HADH: variants seen among roughly 807,000 people sequenced by gnomAD.
HADH encodes the protein hydroxyacyl-CoA dehydrogenase.
Under a neutral mutation model 32.2 loss-of-function variants are expected in HADH, and 24 were observed. The ratio of observed to expected loss-of-function variants is 0.75; its 90% CI spans 0.54 to 1.05. The LOEUF is 1.05. Among genes scored for constraint, HADH ranks in the 50% least tolerant of loss-of-function variants. HADH has a pLI of 0.00. For synonymous variants in HADH, 139 were observed against 152.5 expected, an observed-to-expected ratio of 0.91 and a Z score of 0.65; for missense variants, 350 against 397.1, an observed-to-expected ratio of 0.88 and a Z score of 1.01.
At chr4:108,013,059 A>G (rs6837149) in intron 2 of HADH, among the ~76,000 whole-genome samples, 1 of 152,088 alleles carries the variant, frequency 6.6e-6, no homozygotes, top group Non-Finnish European at 1.5e-5. Flanking sequence ...CAGCCTTTTG[A>G]GTAGCTGGGA....
chr4:108,001,278 TTAGA>T (rs1244992356), intron 1 of HADH, among the ~76,000 whole-genome samples: 1 of 152,166 alleles, frequency 6.6e-6, no homozygotes, highest in Non-Finnish European at 1.5e-5. Context: ...TAACTGCAGC[TTAGA>T]TAGATTATTT....
At chr4:107,997,632 G>A (rs990585119) in intron 1 of HADH, among the ~76,000 whole-genome samples, 1 of 152,056 alleles carries the variant, frequency 6.6e-6, no homozygotes, top group Non-Finnish European at 1.5e-5. Flanking sequence ...GAAAAGTCAT[G>A]GAGCTGAGGA....
chr4:108,032,995 T>C (rs1736329408), intron 6 of HADH, 181 bp from the exon 7 acceptor site: 3 of 634,508 alleles, frequency 4.7e-6, no homozygotes, highest in African/African-American at 3.7e-5. Context: ...AAAAACAAAG[T>C]CTTATGACCT....
chr4:108,009,247 C>T (rs905357880), intron 1 of HADH, among the ~76,000 whole-genome samples: 16 of 152,184 alleles, frequency 1.1e-4, no homozygotes, highest in Non-Finnish European at 2.2e-4. Context: ...GGCTCCAGCT[C>T]CAAGGAGAAA....
chr4:107,998,728 T>C (rs1735028536), intron 1 of HADH, among the ~76,000 whole-genome samples: 1 of 152,132 alleles, frequency 6.6e-6, no homozygotes, highest in African/African-American at 2.4e-5. Flanking sequence ...TTTTGTTTTT[T>C]TGTTTTTTTT....
rs145437385 is a variant in HADH at position 108,031,998 on chromosome 4, G to A, written c.710-1178G>A. On this transcript the variant is annotated intron_variant, in intron 6 of 7. Transcript: ENST00000309522. ...GTCAACCATAATAAATAATTGTGGTGTATTTTAGTCACCTTAAAATGCCTT... is the reference window on the plus strand; with the variant it reads ...GTCAACCATAATAAATAATTGTGGTATATTTTAGTCACCTTAAAATGCCTT... The A allele has an allele frequency of 5.9e-3, 1,373 of 230,922 alleles. 7 individuals are homozygous for A. Among genetic ancestry groups the A allele is most frequent in the Non-Finnish European group, 8.2e-3 (975 of 119,546 alleles). 14.3% of individuals were successfully genotyped at this position (230,922 alleles called of 1,614,324 possible).
chr4:108,032,319 C>T lies in HADH; in HGVS notation c.710-857C>T, dbSNP rs371652531. 320 of 1,583,006 alleles carry T rather than the reference C, an allele frequency of 2.0e-4. No individual in the cohort carries two copies. Among genetic ancestry groups the T allele is most frequent in the Admixed American group, 3.0e-4 (18 of 59,906 alleles). ...GCACATTGATCCTTGTCGTAGTCTA[C>T]TCAACAGACTTCCAAACGTGTGGTG... On this transcript the variant is annotated intron_variant, in intron 6 of 7. Transcript: ENST00000309522.
chr4:108,009,080 C>T (rs1157933195), intron 1 of HADH, among the ~76,000 whole-genome samples: 1 of 152,216 alleles, frequency 6.6e-6, no homozygotes, highest in Non-Finnish European at 1.5e-5. Flanking sequence ...CCTAAATTAG[C>T]TGATCCCAAA....
intron 5 of HADH, chr4:108,027,014 G>T (rs537687499): frequency 1.9e-5 from 3 of 158,802 alleles, no homozygotes; most frequent in Admixed American, 1.2e-4. Context: ...GTCTTAGGGG[G>T]TGTGCCGTGA....
At chr4:108,006,634 T>G (rs1317114234) in intron 1 of HADH, among the ~76,000 whole-genome samples, 1 of 152,042 alleles carries the variant, frequency 6.6e-6, no homozygotes, top group Non-Finnish European at 1.5e-5. Context: ...TGGAGTGGAG[T>G]CTGAGAATTT....
chr4:108,014,290 G>A (rs1157255331), intron 2 of HADH, 141 bp from the exon 3 acceptor site: 15 of 850,798 alleles, frequency 1.8e-5, no homozygotes, highest in Non-Finnish European at 2.4e-5. Flanking sequence ...TACAGGCTTC[G>A]TGGACACTTT....
chr4:108,007,536 G>A (rs565387070), intron 1 of HADH, among the ~76,000 whole-genome samples: 1 of 152,316 alleles, frequency 6.6e-6, no homozygotes, highest in East Asian at 1.9e-4. Context: ...CCTTCAGGTG[G>A]CCTATGGCTG....
Position 108,004,285 on chromosome 4 carries a change from C to T in HADH, c.133-5474C>T, listed in dbSNP as rs543487884. ...GTGAAGGAATGAATGCAGTGGCATG[C>T]GCAGCGTGGTGGTCTAAGTGGTAGT... On this transcript the variant is annotated intron_variant, in intron 1 of 7. Coordinates refer to ENST00000309522, the MANE Select transcript of HADH (RefSeq NM_005327.7). Among the ~76,000 whole-genome samples the T allele has an allele frequency of 7.9e-5, 12 of 152,318 alleles. No individual in the cohort carries two copies. In the South Asian group the frequency reaches 1.2e-3, roughly 16 times the overall value.
chr4:108,026,581 T>A (rs1736076750), intron 5 of HADH: 4 of 152,302 alleles, frequency 2.6e-5, no homozygotes, highest in Admixed American at 2.6e-4. Context: ...TGGCAATAGA[T>A]GGGGTTAGGG....
intron 5 of HADH, chr4:108,025,211 T>C (rs564649405): frequency 2.0e-5 from 3 of 152,386 alleles, no homozygotes; most frequent in African/African-American, 7.2e-5. Flanking sequence ...TACAGTATTG[T>C]ACTTTACCAA....
chr4:108,034,266 C>A lies in HADH; in HGVS notation c.854C>A (p.Pro285Gln). The A allele has an allele frequency of 6.2e-7, 1 of 1,612,380 alleles. No individual in the cohort carries two copies. The highest frequency in any genetic ancestry group is 1.1e-5 in the South Asian group (1 of 91,048). ...TGGCATGAAATGGATGCAGAGAACC[C>A]ATTACATCAGCCCAGCCCATCCTTA... ...DGWHEMDAEN[P>Q]LHQPSPSLNK... is the part of the protein sequence containing the mutation. Residue 285 changes from proline to glutamine, a missense_variant, in exon 8 of 8, where the codon CCA (proline) becomes CAA (glutamine). Physicochemically the swap from Pro to Gln is moderately conservative, Grantham distance 76 (BLOSUM62 -1). Coordinates refer to ENST00000309522, the MANE Select transcript of HADH (RefSeq NM_005327.7).
intron 6 of HADH, chr4:108,027,985 C>T (rs544208798): frequency 4.5e-5 from 27 of 602,736 alleles, no homozygotes; most frequent in Non-Finnish European, 7.7e-5. Context: ...TTCTGGAACT[C>T]CCACCACCCC....
intron 3 of HADH, among the ~76,000 whole-genome samples, chr4:108,018,014 G>C (rs992718504): frequency 6.6e-6 from 1 of 152,160 alleles, no homozygotes; most frequent in African/African-American, 2.4e-5. Flanking sequence ...AAATGTGCCA[G>C]AGTGCCCTGG....
intron 3 of HADH, among the ~76,000 whole-genome samples, chr4:108,016,426 A>C (rs568503580): frequency 6.6e-6 from 1 of 152,262 alleles, no homozygotes; most frequent in Non-Finnish European, 1.5e-5. Context: ...CATCACTGCC[A>C]ATCAGTGTCC....
Sources: gnomAD v4.1 joint callset for allele counts (sites outside exome capture counted in the v4.1 genomes callset) on GRCh38, gnomAD v4.1.1 for gene constraint, MANE v1.5 for transcripts, NCBI Gene and HGNC (gene_info 2026-07-23, HGNC 2026-07-21) for gene names.